TJP1: variants seen among roughly 807,000 people sequenced by gnomAD.
TJP1 encodes tight junction protein ZO-1.
TJP1 carries 43 observed loss-of-function variants against 194.2 expected under a neutral mutation model. The observed-to-expected ratio is 0.22, with a 90% CI of 0.17 to 0.29. The LOEUF (loss-of-function observed/expected upper bound fraction) is 0.29, where lower values mean the gene tolerates loss of function less well. Ranked by LOEUF, TJP1 falls within the 10% of genes least tolerant of loss-of-function variation. The pLI, the probability that TJP1 is intolerant of heterozygous loss-of-function variation, is 1.00. For missense variants in TJP1, 1,971 were observed against 2,185.7 expected, an observed-to-expected ratio of 0.90 and a Z score of 1.96; for synonymous variants, 801 against 779.0, an observed-to-expected ratio of 1.03 and a Z score of -0.47.
At chr15:29,880,646 AC>A (rs2052894445) in intron 2 of TJP1, among the ~76,000 whole-genome samples, 1 of 152,196 alleles carries the variant, frequency 6.6e-6, no homozygotes, top group Admixed American at 6.5e-5. Context: ...TCTCTGTTCT[AC>A]GAGATTGACT....
chr15:29,880,970 T>G (rs1320981724), intron 2 of TJP1, among the ~76,000 whole-genome samples: 1 of 152,236 alleles, frequency 6.6e-6, no homozygotes, highest in Non-Finnish European at 1.5e-5. Flanking sequence ...TAAATGAGAT[T>G]GCTAGATCGT....
chr15:29,840,567 T>TG (rs538403162), intron 2 of TJP1, among the ~76,000 whole-genome samples: 89 of 152,232 alleles, frequency 5.8e-4, no homozygotes, highest in East Asian at 5.2e-3. Context: ...AGCTGAATCT[T>TG]GGGCATGGAT....
intron 1 of TJP1, among the ~76,000 whole-genome samples, chr15:29,819,083 G>A (rs2050144674): frequency 6.6e-6 from 1 of 152,130 alleles, no homozygotes; most frequent in Non-Finnish European, 1.5e-5. Flanking sequence ...TACTTCTTTA[G>A]TATCATGCAC....
At chr15:29,928,329 C>G (rs1299877714) in intron 2 of TJP1, among the ~76,000 whole-genome samples, 3 of 152,192 alleles carry the variant, frequency 2.0e-5, no homozygotes, top group Non-Finnish European at 4.4e-5. Flanking sequence ...CTAAAATAAA[C>G]TACTAGTACA....
At chr15:29,751,544 CT>C (rs2045283381) in intron 8 of TJP1, among the ~76,000 whole-genome samples, 1 of 152,184 alleles carries the variant, frequency 6.6e-6, no homozygotes, top group African/African-American at 2.4e-5. Flanking sequence ...ATATGGACAA[CT>C]TTTAGTAAGA....
intron 10 of TJP1, among the ~76,000 whole-genome samples, chr15:29,738,588 T>C (rs2044188275): frequency 6.6e-6 from 1 of 152,148 alleles, no homozygotes; most frequent in African/African-American, 2.4e-5. Context: ...GATCCCTCCA[T>C]GAAACTATTT....
chr15:29,737,527 C>T, intron 10 of TJP1, 113 bp from the exon 11 acceptor site: 3 of 1,144,894 alleles, frequency 2.6e-6, no homozygotes, highest in Non-Finnish European at 3.6e-6. Flanking sequence ...ATTTCTAAAA[C>T]TTCTCTCATA....
At chr15:29,965,591 C>T (rs894285151) in intron 1 of TJP1, among the ~76,000 whole-genome samples, 5 of 152,138 alleles carry the variant, frequency 3.3e-5, no homozygotes, top group Admixed American at 3.3e-4. Context: ...GGTTTCCACC[C>T]ACCACTCTAG....
chr15:29,899,420 A>G (rs1327887202), intron 2 of TJP1, among the ~76,000 whole-genome samples: 2 of 152,112 alleles, frequency 1.3e-5, no homozygotes, highest in African/African-American at 4.8e-5. Context: ...TTATCCTCCA[A>G]TTTACTTTCC....
At chr15:29,807,201 G>C (rs1319397550) in intron 1 of TJP1, among the ~76,000 whole-genome samples, 3 of 152,170 alleles carry the variant, frequency 2.0e-5, no homozygotes, top group Admixed American at 6.5e-5. Context: ...GACAGACACA[G>C]TGAACCTGTA....
chr15:29,726,825 T>C lies in TJP1; in HGVS notation c.2267A>G (p.Glu756Gly), dbSNP rs764124426. ...ATTTTTACGAAGTTTATGAGATCGC[T>C]CGTATAACTTCCTGGCACTTTTCCG... ...ESRKSARKLY[E>G]RSHKLRKNNH... The change falls in exon 17 of 28, where the codon GAG becomes GGG. Residue 756 changes from glutamate (E) to glycine (G), a missense_variant. Physicochemically the swap from Glu to Gly is moderately conservative, Grantham distance 98. This residue lies in a region of TJP1 where 402 missense variants were observed against 484.2 expected (regional missense o/e 0.83). Coordinates refer to ENST00000614355, the MANE Select transcript of TJP1 (RefSeq NM_001330239.4). 6.2e-7 allele frequency: 1 copy of C among 1,614,146 alleles called. No homozygotes were observed. Among genetic ancestry groups the C allele is most frequent in the Non-Finnish European group, 8.5e-7 (1 of 1,180,028 alleles).
intron 1 of TJP1, among the ~76,000 whole-genome samples, chr15:29,804,015 C>T (rs1374130871): frequency 6.6e-6 from 1 of 151,492 alleles, no homozygotes; most frequent in Admixed American, 6.6e-5. Flanking sequence ...CTATGTTTTA[C>T]CACTCCTTAT....
chr15:29,724,258 G>C (rs2043109122), intron 18 of TJP1, among the ~76,000 whole-genome samples: 2 of 152,198 alleles, frequency 1.3e-5, no homozygotes, highest in Non-Finnish European at 2.9e-5. Context: ...GCATCTGCCA[G>C]GCTGGGCTGG....
intron 2 of TJP1, among the ~76,000 whole-genome samples, chr15:29,955,231 A>G (rs1215284467): frequency 6.6e-6 from 1 of 152,204 alleles, no homozygotes; most frequent in Non-Finnish European, 1.5e-5. Context: ...ATCATTCAAA[A>G]TTTTTCAAAA....
rs1273011247 is a variant in TJP1, at chr15:29,761,271, T to C, written c.878A>G (p.Gln293Arg). 2.5e-6 allele frequency: 4 copies of C among 1,613,726 alleles called. No homozygotes were observed. In the African/African-American group the frequency reaches 4.0e-5, roughly 16 times the overall value. ...ASERDDISEI[Q>R]SLASDHSGRS... ...ACCAGAATGATCTGATGCCAGTGAC[T>C]GAATTTCTGAAATGTCTGTTAATAA... The change falls in exon 8 of 28, where the codon CAG (glutamine) becomes CGG (arginine). Residue 293 changes from glutamine (Q) to arginine (R), a missense_variant. Physicochemically the swap from Gln to Arg is conservative, Grantham distance 43. Around this residue, in one of 5 missense-constraint regions of TJP1, gnomAD observed 192 missense variants for 182.3 expected, o/e 1.05. Transcript: ENST00000614355.
Position 29,726,393 on chromosome 15 carries a change from C to T in TJP1, c.2398G>A (p.Val800Ile), listed in dbSNP as rs140139935. The change falls in exon 18 of 28, where the codon GTT (valine) becomes ATT (isoleucine). Residue 800 changes from valine to isoleucine, a missense_variant. By Grantham distance (29) the Val-to-Ile change is conservative. Around this residue, in one of 5 missense-constraint regions of TJP1, gnomAD observed 402 missense variants for 484.2 expected, o/e 0.83. Transcript: ENST00000614355. ...IQQQQNQLVWVSEGKADGATS... is the reference protein window; with the variant it reads ...IQQQQNQLVWISEGKADGATS... ...AAATGTCTTACCTTTCCCTCGGAAA[C>T]CCATACCAGCTGGTTTTGCTGTTGT... 17 of 1,613,972 alleles carry T rather than the reference C, an allele frequency of 1.1e-5. No homozygotes were observed. In the East Asian group the frequency reaches 3.8e-4, roughly 36 times the overall value.
At chr15:29,733,990 G>A (rs1011759272) in intron 12 of TJP1, among the ~76,000 whole-genome samples, 1 of 152,166 alleles carries the variant, frequency 6.6e-6, no homozygotes, top group African/African-American at 2.4e-5. Flanking sequence ...GTATGGTTCT[G>A]ATGGCTAATA....
chr15:29,907,114 A>G (rs2053840377), intron 2 of TJP1, among the ~76,000 whole-genome samples: 1 of 152,098 alleles, frequency 6.6e-6, no homozygotes, highest in East Asian at 1.9e-4. Context: ...ATAAAAAGTA[A>G]AAGAATTGAA....
chr15:29,796,987 C>T (rs2048456358), intron 2 of TJP1, among the ~76,000 whole-genome samples: 2 of 151,832 alleles, frequency 1.3e-5, no homozygotes, highest in South Asian at 4.2e-4. Context: ...TCTCTCTGCC[C>T]GTATCTCATG....
Sources: gnomAD v4.1 joint callset for allele counts (sites outside exome capture counted in the v4.1 genomes callset) on GRCh38, gnomAD v4.1.1 for gene constraint, gnomAD v4.1.1 regional missense constraint, MANE v1.5 for transcripts, NCBI Gene and HGNC (gene_info 2026-07-23, HGNC 2026-07-21) for gene names.